TSPAN11: variants seen among roughly 807,000 people sequenced by gnomAD.
The protein encoded by TSPAN11 is tetraspanin 11, also known as tetraspanin-11.
Under a neutral mutation model 32.9 loss-of-function variants are expected in TSPAN11, and 29 were observed. That is an observed-to-expected ratio of 0.88 (90% confidence interval 0.66 to 1.20). The LOEUF (loss-of-function observed/expected upper bound fraction) is 1.20. Among genes scored for constraint, TSPAN11 ranks in the 50% most tolerant of loss-of-function variants. The probability of loss-of-function intolerance (pLI) is 0.00; values close to 1 mark genes in which losing one functional copy is unlikely to be tolerated. For missense variants in TSPAN11, 283 were observed against 329.1 expected (o/e 0.86, Z 1.08); for synonymous variants, 140 against 141.3 (o/e 0.99, Z 0.07).
downstream of TSPAN11, among the ~76,000 whole-genome samples, chr12:30,997,980 G>T (rs559347896): frequency 6.6e-6 from 1 of 152,242 alleles, no homozygotes. Context: ...GGTCATAGCA[G>T]CGGCCTTCTG....
Position 30,992,018 on chromosome 12 carries a change from T to A in TSPAN11, c.*103T>A. On this transcript the variant is annotated 3_prime_UTR_variant, in exon 8 of 8. Transcript: ENST00000546076. The stretch of plus-strand genomic sequence containing the variant: ...GCACCAGCTCCACTAGGGCCATAGA[T>A]GCCCCCTCCTTTGTGCCTAGCTCCT... 1 of 1,297,574 alleles carries A rather than the reference T, an allele frequency of 7.7e-7. No homozygotes were observed. The highest frequency in any genetic ancestry group is 1.2e-5 in the South Asian group (1 of 83,740). The allele number at this position is 1,297,574 out of a possible 1,614,324, so 80.4% of individuals were successfully genotyped here. A position where few individuals can be genotyped will look rare whatever the true frequency, so the allele number is the denominator to read the frequency against.
At chr12:30,937,582 T>C (rs1250005880) in intron 1 of TSPAN11, among the ~76,000 whole-genome samples, 2 of 152,186 alleles carry the variant, frequency 1.3e-5, no homozygotes, top group South Asian at 2.1e-4. Flanking sequence ...TTTTCTTTCA[T>C]GTAACAGTTC....
At chr12:30,983,210 C>A in intron 7 of TSPAN11, 60 bp downstream of exon 7, 1 of 1,507,190 alleles carries the variant, frequency 6.6e-7, no homozygotes, top group South Asian at 1.3e-5. Flanking sequence ...CTCCCATTGA[C>A]ACAGGTCTTC....
At chr12:30,955,637 G>A (rs1167885299) in intron 2 of TSPAN11, among the ~76,000 whole-genome samples, 2 of 152,120 alleles carry the variant, frequency 1.3e-5, no homozygotes, top group East Asian at 3.9e-4. Context: ...GTGTCACAGG[G>A]CCAAGCTCCC....
chr12:30,992,086 C>A lies in TSPAN11; in HGVS notation c.*171C>A, dbSNP rs948048179. 8 of 698,658 alleles carry A rather than the reference C, an allele frequency of 1.1e-5. No homozygotes were observed. The Admixed American group carries it at 1.8e-4, about 16-fold the overall frequency. The allele number at this position is 698,658 out of a possible 1,614,324, so 43.3% of individuals were successfully genotyped here. Reference sequence around the variant, plus strand: ...CTGAGACCATAGCTTCTGTGCCCACCCAGGCAGAGACCCTCGGCCCCCTCT... The same window carrying A: ...CTGAGACCATAGCTTCTGTGCCCACACAGGCAGAGACCCTCGGCCCCCTCT... On this transcript the variant is annotated 3_prime_UTR_variant, in exon 8 of 8. Transcript: ENST00000546076.
At chr12:31,007,038 C>T in the TSPAN11 span, among the ~76,000 whole-genome samples, 2 of 152,294 alleles carry the variant, frequency 1.3e-5, no homozygotes, top group East Asian at 1.9e-4. Context: ...AGTCTCCCAT[C>T]GGTGTAGGGG....
chr12:30,964,813 T>A (rs1938695395), intron 3 of TSPAN11, among the ~76,000 whole-genome samples: 1 of 152,236 alleles, frequency 6.6e-6, no homozygotes, highest in East Asian at 1.9e-4. Flanking sequence ...TAAACTGTTG[T>A]TGTTGTGTTT....
At chr12:30,969,946 C>CCT (rs1485886959) in intron 3 of TSPAN11, among the ~76,000 whole-genome samples, 1 of 152,182 alleles carries the variant, frequency 6.6e-6, no homozygotes, top group African/African-American at 2.4e-5. Context: ...GAGGCTCTGA[C>CCT]CTCTCTGGGC....
At chr12:30,969,564 CAT>C (rs1938806704) in intron 3 of TSPAN11, among the ~76,000 whole-genome samples, 1 of 152,178 alleles carries the variant, frequency 6.6e-6, no homozygotes, top group Non-Finnish European at 1.5e-5. Context: ...TCAAGAGACT[CAT>C]AGGGTTTGTG....
At chr12:30,956,667 T>C (rs1938484222) in intron 2 of TSPAN11, among the ~76,000 whole-genome samples, 1 of 152,024 alleles carries the variant, frequency 6.6e-6, no homozygotes, top group South Asian at 2.1e-4. Flanking sequence ...TAAAAGAAAA[T>C]GTGGTCCAGG....
At chr12:30,953,444 G>C (rs528841580) in intron 1 of TSPAN11, among the ~76,000 whole-genome samples, 1 of 152,178 alleles carries the variant, frequency 6.6e-6, no homozygotes, top group African/African-American at 2.4e-5. Flanking sequence ...GCCTGTCTGG[G>C]CCTGCTTCCT....
intron 1 of TSPAN11, among the ~76,000 whole-genome samples, chr12:30,946,131 GGT>G (rs1335162713): frequency 6.6e-6 from 1 of 152,138 alleles, no homozygotes; most frequent in Admixed American, 6.5e-5. Context: ...TTCAAAGTGT[GGT>G]TCCGAGACAA....
In TSPAN11 at chr12:30,995,986, C is replaced by A. The variant is rs117775512; in HGVS notation, c.*4071C>A. 2.6e-5 allele frequency: 4 copies of A among 152,256 alleles called. No homozygotes were observed. The highest frequency in any genetic ancestry group is 9.6e-5 in the African/African-American group (4 of 41,456). The allele number at this position is 152,256 out of a possible 1,614,324, so 9.4% of individuals were successfully genotyped here. ...TCACAACGCTCAGGGTCCATGAGTA[C>A]CTCAGGCTGTCCAGCTGAGCTCCAC... On this transcript the variant is annotated 3_prime_UTR_variant, in exon 8 of 8. Coordinates refer to ENST00000546076, the MANE Select transcript of TSPAN11 (RefSeq NM_001370302.1).
chr12:30,956,392 T>C (rs1385184691), intron 2 of TSPAN11, among the ~76,000 whole-genome samples: 4 of 152,258 alleles, frequency 2.6e-5, no homozygotes, highest in Non-Finnish European at 4.4e-5. Context: ...TTTTCGTTTT[T>C]AGTGCAGCTT....
chr12:30,929,266 G>A (rs541838901), intron 1 of TSPAN11, among the ~76,000 whole-genome samples: 7 of 152,156 alleles, frequency 4.6e-5, no homozygotes, highest in Non-Finnish European at 8.8e-5. Flanking sequence ...GAAGAAATCC[G>A]CACTTGACCC....
the TSPAN11 span, among the ~76,000 whole-genome samples, chr12:31,009,195 A>G: frequency 5.9e-5 from 9 of 152,192 alleles, no homozygotes; most frequent in Non-Finnish European, 1.2e-4. Context: ...CTCACAGCAC[A>G]TCTTCCTACC....
chr12:30,939,370 C>G (rs566850898), intron 1 of TSPAN11, among the ~76,000 whole-genome samples: 8 of 152,258 alleles, frequency 5.3e-5, no homozygotes, highest in Non-Finnish European at 1.2e-4. Flanking sequence ...TTACTACTGA[C>G]CAGAGTCTGG....
At chr12:30,930,130 G>A (rs1937890260) in intron 1 of TSPAN11, among the ~76,000 whole-genome samples, 1 of 151,366 alleles carries the variant, frequency 6.6e-6, no homozygotes, top group South Asian at 2.1e-4. Context: ...GACTCTGGTG[G>A]GTTTCTGGGC....
intron 2 of TSPAN11, among the ~76,000 whole-genome samples, chr12:30,962,866 A>T (rs967018148): frequency 2.0e-5 from 3 of 152,124 alleles, no homozygotes; most frequent in Non-Finnish European, 2.9e-5. Flanking sequence ...CTGGGCAAAC[A>T]CCCACATACT....
Sources: gnomAD v4.1 joint callset for allele counts (sites outside exome capture counted in the v4.1 genomes callset) on GRCh38, gnomAD v4.1.1 for gene constraint, MANE v1.5 for transcripts, NCBI Gene and HGNC (gene_info 2026-07-23, HGNC 2026-07-21) for gene names.